The following MRPS28 variants were observed in gnomAD, a reference collection of about 807,000 sequenced individuals.
MRPS28 encodes small ribosomal subunit protein bS1m.
MRPS28 carries 7 observed loss-of-function variants against 10.8 expected under a neutral mutation model. That is an observed-to-expected ratio of 0.65 (90% CI 0.37 to 1.22). The LOEUF (loss-of-function observed/expected upper bound fraction) is 1.22, where lower values mean the gene tolerates loss of function less well. Ranked by LOEUF, MRPS28 falls within the 50% of genes most tolerant of loss-of-function variation. The pLI is 0.02. For synonymous variants in MRPS28, 121 were observed against 93.3 expected, an observed-to-expected ratio of 1.30 and a Z score of -1.71; for missense variants, 265 against 232.9, an observed-to-expected ratio of 1.14 and a Z score of -0.90.
At chr8:79,929,325 T>C (rs1375988720) in intron 2 of MRPS28, among the ~76,000 whole-genome samples, 1 of 152,210 alleles carries the variant, frequency 6.6e-6, no homozygotes, top group Non-Finnish European at 1.5e-5. Context: ...TTCTCTAATG[T>C]ATAATCTGCA....
chr8:80,029,746 C>A lies in MRPS28; in HGVS notation c.213+290G>T, dbSNP rs998935751. 7.5e-6 allele frequency: 11 copies of A among 1,468,522 alleles called. No homozygotes were observed. In the Admixed American group the frequency reaches 1.2e-4, roughly 16 times the overall value. 91.0% of individuals were successfully genotyped at this position (1,468,522 alleles called of 1,614,324 possible). A position where few individuals can be genotyped will look rare whatever the true frequency, so the allele number is the denominator to read the frequency against. ...GCCCTAGATCGCCTCCCCAGCAGCG[C>A]TCCCCGCTGGTTACCTTCCCACCAG... is the stretch of plus-strand genomic sequence containing the variant. On this transcript the variant is annotated intron_variant, in intron 1 of 2. Transcript: ENST00000276585.
At chr8:80,027,131 G>A (rs1457193158) in intron 1 of MRPS28, among the ~76,000 whole-genome samples, 2 of 152,090 alleles carry the variant, frequency 1.3e-5, no homozygotes, top group Non-Finnish European at 2.9e-5. Context: ...AAAGAACTGT[G>A]TAATTGTGGA....
intron 2 of MRPS28, among the ~76,000 whole-genome samples, chr8:79,939,946 GACAA>G (rs1207678077): frequency 3.4e-5 from 5 of 148,478 alleles, no homozygotes; most frequent in Non-Finnish European, 7.4e-5. Context: ...CTCCAGCCTG[GACAA>G]GCGACAGAGC....
chr8:80,029,748 C>G, intron 1 of MRPS28: 4 of 1,471,770 alleles, frequency 2.7e-6, no homozygotes, highest in South Asian at 1.2e-5. Flanking sequence ...CAGCAGCGCT[C>G]CCCGCTGGTT....
chr8:79,926,301 T>C (rs1335391325), intron 2 of MRPS28, among the ~76,000 whole-genome samples: 2 of 152,192 alleles, frequency 1.3e-5, no homozygotes, highest in East Asian at 1.9e-4. Context: ...AAAGAAAATA[T>C]ATACATTTAT....
rs1807227610 is a variant in MRPS28, at chr8:79,956,800, CA to C, written c.396-37653del. On this transcript the variant is annotated intron_variant, in intron 2 of 2. Coordinates refer to ENST00000276585, the MANE Select transcript of MRPS28 (RefSeq NM_014018.3). ...GCCTCCAGTTCCATTCATGTTACCA[CA>C]AAAGACAATCTCATTCTTTTTTTGG... 2.0e-5 allele frequency: 3 copies of C among 152,166 alleles called. No homozygotes were observed. In the South Asian group the frequency reaches 6.2e-4, roughly 32 times the overall value. The allele number at this position is 152,166 out of a possible 1,614,324, so 9.4% of individuals were successfully genotyped here. A position where few individuals can be genotyped will look rare whatever the true frequency, so the allele number is the denominator to read the frequency against.
At chr8:79,920,004 T>C (rs1259752541) in intron 2 of MRPS28, among the ~76,000 whole-genome samples, 2 of 139,434 alleles carry the variant, frequency 1.4e-5, no homozygotes, top group African/African-American at 2.7e-5. Context: ...TGTGTTCTCA[T>C]TGTTCAGTTC....
intron 2 of MRPS28, among the ~76,000 whole-genome samples, chr8:79,998,894 C>T (rs568764280): frequency 3.1e-4 from 47 of 152,218 alleles, no homozygotes; most frequent in African/African-American, 1.1e-3. Flanking sequence ...AAATGCCAAA[C>T]TTACTTATTA....
chr8:79,985,291 T>C (rs1283765852), intron 2 of MRPS28, among the ~76,000 whole-genome samples: 3 of 152,022 alleles, frequency 2.0e-5, no homozygotes, highest in Non-Finnish European at 2.9e-5. Flanking sequence ...TAGAGGGAAA[T>C]TTATAGCACT....
At chr8:79,940,874 CA>C (rs1401533772) in intron 2 of MRPS28, among the ~76,000 whole-genome samples, 8 of 152,262 alleles carry the variant, frequency 5.3e-5, no homozygotes, top group Admixed American at 3.9e-4. Context: ...AGTTTTCTCA[CA>C]CATGAAAAAG....
At chr8:80,013,176 C>A (rs182805124) in intron 1 of MRPS28, among the ~76,000 whole-genome samples, 17 of 152,230 alleles carry the variant, frequency 1.1e-4, no homozygotes, top group Non-Finnish European at 1.9e-4. Flanking sequence ...TTCTCTAGAT[C>A]TGTTTTCTCA....
chr8:79,923,221 A>G (rs1241181926), intron 2 of MRPS28, among the ~76,000 whole-genome samples: 1 of 152,196 alleles, frequency 6.6e-6, no homozygotes, highest in Non-Finnish European at 1.5e-5. Context: ...ACAGATAGAA[A>G]AATTATGGTA....
At chr8:79,953,896 G>A (rs1454056766) in intron 2 of MRPS28, among the ~76,000 whole-genome samples, 1 of 152,184 alleles carries the variant, frequency 6.6e-6, no homozygotes, top group Non-Finnish European at 1.5e-5. Flanking sequence ...CTGTGTGTAT[G>A]CATATACACT....
rs1441697017 is a variant in MRPS28, at chr8:80,030,161, C to T, written c.88G>A (p.Gly30Ser). The stretch of plus-strand genomic sequence containing the variant: ...CCACTTTCGGATCCACTCTCAGTGC[C>T]TACACCCCGAAAGGGCCTGAAGAAG... ...FLFFRPFRGVGTESGSESGSS... is the reference protein window; with the variant it reads ...FLFFRPFRGVSTESGSESGSS... Residue 30 changes from glycine (G) to serine (S), a missense_variant, in exon 1 of 3, where the codon GGC becomes AGC. Transcript: ENST00000276585. 1 of 1,614,034 alleles carries T rather than the reference C, an allele frequency of 6.2e-7. No individual in the cohort carries two copies. Among genetic ancestry groups the T allele is most frequent in the African/African-American group, 1.3e-5 (1 of 74,844 alleles).
intron 2 of MRPS28, among the ~76,000 whole-genome samples, chr8:79,964,372 G>A (rs1460331994): frequency 3.3e-5 from 5 of 152,040 alleles, no homozygotes; most frequent in East Asian, 1.9e-4. Context: ...ACAATTCAGC[G>A]GAGACTATAA....
intron 2 of MRPS28, among the ~76,000 whole-genome samples, chr8:79,968,862 G>A (rs1807563933): frequency 6.6e-6 from 1 of 152,156 alleles, no homozygotes; most frequent in South Asian, 2.1e-4. Flanking sequence ...TCTGCAACTA[G>A]ATTGCAAATG....
chr8:79,938,495 T>A (rs1287252611), intron 2 of MRPS28, among the ~76,000 whole-genome samples: 1 of 151,794 alleles, frequency 6.6e-6, no homozygotes, highest in East Asian at 1.9e-4. Context: ...AAAATTAAGG[T>A]TTTAAAGCTC....
At chr8:79,959,280 C>CA (rs1807308797) in intron 2 of MRPS28, among the ~76,000 whole-genome samples, 1 of 151,926 alleles carries the variant, frequency 6.6e-6, no homozygotes, top group Non-Finnish European at 1.5e-5. Flanking sequence ...ACAGGTCTCA[C>CA]AAGCTGAGAG....
intron 1 of MRPS28, among the ~76,000 whole-genome samples, chr8:80,013,045 A>G (rs953330893): frequency 6.6e-6 from 1 of 152,204 alleles, no homozygotes; most frequent in Non-Finnish European, 1.5e-5. Flanking sequence ...GAAAATAGAT[A>G]AAAACATCAT....
Sources: allele counts gnomAD v4.1 joint callset (sites outside exome capture counted in the v4.1 genomes callset), GRCh38; gene constraint gnomAD v4.1.1; transcripts MANE v1.5; gene names NCBI Gene and HGNC (gene_info 2026-07-23, HGNC 2026-07-21).